ADGRL2: variants seen among roughly 807,000 people sequenced by gnomAD.
The protein encoded by ADGRL2 is calcium-independent alpha-latrotoxin receptor 2.
ADGRL2 carries 44 observed loss-of-function variants against 157.4 expected under a neutral mutation model. That is an observed-to-expected ratio of 0.28 (90% CI 0.22 to 0.36). The LOEUF (loss-of-function observed/expected upper bound fraction) is 0.36. ADGRL2 is among the 10% of genes least tolerant of loss of function. ADGRL2 has a pLI of 1.00. For synonymous variants in ADGRL2, 585 were observed against 624.7 expected, an observed-to-expected ratio of 0.94 and a Z score of 0.95; for missense variants, 1,510 against 1,768.9, an observed-to-expected ratio of 0.85 and a Z score of 2.63.
chr1:81,343,092 CTT>C (rs544677891), intron 1 of ADGRL2, among the ~76,000 whole-genome samples: 4 of 131,142 alleles, frequency 3.1e-5, no homozygotes, highest in Non-Finnish European at 4.8e-5. Flanking sequence ...TTTTTCTTTT[CTT>C]TTTTTTTTTT....
At chr1:81,807,113 A>G (rs1338311802) in intron 1 of ADGRL2, among the ~76,000 whole-genome samples, 1 of 152,004 alleles carries the variant, frequency 6.6e-6, no homozygotes, top group Non-Finnish European at 1.5e-5. Context: ...AACTTTTCAA[A>G]TTGATAGATT....
chr1:81,453,608 A>G (rs1265398695), intron 2 of ADGRL2, among the ~76,000 whole-genome samples: 3 of 152,210 alleles, frequency 2.0e-5, no homozygotes, highest in African/African-American at 4.8e-5. Context: ...CTTTATTTAC[A>G]TAGTTGTAAA....
At chr1:81,407,047 A>T (rs2076866329) in intron 1 of ADGRL2, among the ~76,000 whole-genome samples, 1 of 152,186 alleles carries the variant, frequency 6.6e-6, no homozygotes, top group Admixed American at 6.5e-5. Flanking sequence ...TCTCTGGAAG[A>T]AATGTGTATT....
chr1:81,598,579 TG>T (rs2081281160), intron 3 of ADGRL2, among the ~76,000 whole-genome samples: 1 of 152,204 alleles, frequency 6.6e-6, no homozygotes, highest in African/African-American at 2.4e-5. Flanking sequence ...GTCCATTTGG[TG>T]GTATTTTGCT....
At chr1:81,953,540 A>G (rs1369106012) in intron 10 of ADGRL2, among the ~76,000 whole-genome samples, 1 of 152,180 alleles carries the variant, frequency 6.6e-6, no homozygotes, top group Non-Finnish European at 1.5e-5. Context: ...AAATATGAAT[A>G]TAATTTGACT....
At chr1:81,868,429 C>G (rs1470572963) in intron 2 of ADGRL2, among the ~76,000 whole-genome samples, 1 of 152,020 alleles carries the variant, frequency 6.6e-6, no homozygotes, top group East Asian at 1.9e-4. Context: ...TCTCAGTGGC[C>G]TCAGTAGGCA....
At chr1:81,813,971 A>C (rs2090135647) in intron 1 of ADGRL2, among the ~76,000 whole-genome samples, 1 of 151,710 alleles carries the variant, frequency 6.6e-6, no homozygotes, top group South Asian at 2.1e-4. Flanking sequence ...TTTGTCTTAA[A>C]TTTGAAGGTA....
rs80327519 is a variant in ADGRL2 at position 81,356,971 on chromosome 1, A to AAAAAAAAG, written c.-302+50464_-302+50465insAAAAAGAA. On this transcript the variant is annotated intron_variant, in intron 1 of 24. Transcript: ENST00000370721. Reference sequence around the variant, plus strand: ...CCGTCTCAAAAAAAAAAAAAAAAAAAAAGAAGTTGTTTCCTTTTAAAGCTC... The same window carrying AAAAAAAAG: ...CCGTCTCAAAAAAAAAAAAAAAAAAAAAAAAAAGAAGAAGTTGTTTCCTTTTAAAGCTC... Among the ~76,000 whole-genome samples the AAAAAAAAG allele has an allele frequency of 5.8e-4, 58 of 99,390 alleles. 1 individual carries two copies. Among genetic ancestry groups the AAAAAAAAG allele is most frequent in the Admixed American group, 1.9e-3 (15 of 7,704 alleles). 65.2% of individuals were successfully genotyped at this position (99,390 alleles called of 152,430 possible). A position where few individuals can be genotyped will look rare whatever the true frequency, so the allele number is the denominator to read the frequency against.
At chr1:81,478,460 T>A (rs1476020306) in intron 2 of ADGRL2, among the ~76,000 whole-genome samples, 1 of 152,228 alleles carries the variant, frequency 6.6e-6, no homozygotes, top group Non-Finnish European at 1.5e-5. Context: ...CATTCCATTT[T>A]CTTGGAGCTT....
chr1:81,340,105 AAT>A (rs1473825743), intron 1 of ADGRL2, among the ~76,000 whole-genome samples: 25 of 152,184 alleles, frequency 1.6e-4, no homozygotes, highest in African/African-American at 6.0e-4. Context: ...AAATCTGAAG[AAT>A]ATGTTTTTAA....
At chr1:81,681,886 C>T (rs2083124786) in intron 3 of ADGRL2, among the ~76,000 whole-genome samples, 1 of 151,906 alleles carries the variant, frequency 6.6e-6, no homozygotes, top group Non-Finnish European at 1.5e-5. Context: ...TACATTTGAC[C>T]TACAGTTACT....
intron 1 of ADGRL2, among the ~76,000 whole-genome samples, chr1:81,325,868 A>G (rs1231381347): frequency 6.6e-6 from 1 of 152,162 alleles, no homozygotes; most frequent in Non-Finnish European, 1.5e-5. Context: ...TCTACCCCCA[A>G]TAACTCCATG....
chr1:81,431,048 GC>G (rs1285881243), intron 1 of ADGRL2, among the ~76,000 whole-genome samples: 1 of 152,144 alleles, frequency 6.6e-6, no homozygotes, highest in Non-Finnish European at 1.5e-5. Flanking sequence ...CAGCATGTCA[GC>G]AGAACAGGTA....
At chr1:81,585,357 T>G (rs1324377) in intron 3 of ADGRL2, among the ~76,000 whole-genome samples, 80,594 of 151,834 alleles carry the variant, frequency 0.53, 21,665 homozygotes, top group East Asian at 0.67. Context: ...TCTATTTGGG[T>G]TTTTTGTTCT....
intron 3 of ADGRL2, among the ~76,000 whole-genome samples, chr1:81,682,247 T>C (rs1433957691): frequency 6.6e-6 from 1 of 152,108 alleles, no homozygotes; most frequent in African/African-American, 2.4e-5. Context: ...ACACATTGTT[T>C]TCTCATGCAA....
At chr1:81,498,068 A>T (rs2078767576) in intron 2 of ADGRL2, among the ~76,000 whole-genome samples, 1 of 152,152 alleles carries the variant, frequency 6.6e-6, no homozygotes, top group African/African-American at 2.4e-5. Flanking sequence ...ATAATAAATG[A>T]ATGTAGGAAC....
chr1:81,760,838 G>A (rs1186571282), intron 1 of ADGRL2, among the ~76,000 whole-genome samples: 1 of 150,706 alleles, frequency 6.6e-6, no homozygotes, highest in East Asian at 1.9e-4. Context: ...TTTACATTAA[G>A]AGCTTGCATT....
intron 3 of ADGRL2, among the ~76,000 whole-genome samples, chr1:81,597,901 G>A (rs1434282279): frequency 6.6e-6 from 1 of 152,180 alleles, no homozygotes; most frequent in Non-Finnish European, 1.5e-5. Flanking sequence ...TTTCAAGGTG[G>A]TTTCCAATTT....
chr1:81,466,875 A>G (rs1355967464), intron 2 of ADGRL2, among the ~76,000 whole-genome samples: 1 of 152,108 alleles, frequency 6.6e-6, no homozygotes, highest in Non-Finnish European at 1.5e-5. Context: ...ATAGAAATCA[A>G]TTATTGTATA....
Sources: allele counts gnomAD v4.1 joint callset (sites outside exome capture counted in the v4.1 genomes callset), GRCh38; gene constraint gnomAD v4.1.1; transcripts MANE v1.5; gene names NCBI Gene and HGNC (gene_info 2026-07-23, HGNC 2026-07-21).